Variants in TACC2 observed in about 807,000 individuals in gnomAD.
TACC2 encodes transforming acidic coiled-coil containing protein 2, also known as transforming acidic coiled-coil-containing protein 2.
A neutral mutation model predicts 227.3 loss-of-function variants in TACC2; 137 were observed. That is an observed-to-expected ratio of 0.60 (90% CI 0.52 to 0.69). The LOEUF (loss-of-function observed/expected upper bound fraction) is 0.69, where lower values mean the gene tolerates loss of function less well. Ranked by LOEUF, TACC2 falls within the 30% of genes least tolerant of loss-of-function variation. The pLI is 0.00. For missense variants in TACC2, 3,470 were observed against 3,694.4 expected (o/e 0.94, Z 1.57); for synonymous variants, 1,523 against 1,487.5 (o/e 1.02, Z -0.55).
intron 5 of TACC2, among the ~76,000 whole-genome samples, chr10:122,120,471 G>A (rs2085516974): frequency 6.6e-6 from 1 of 152,152 alleles, no homozygotes; most frequent in Non-Finnish European, 1.5e-5. Context: ...GGGTGCCCTG[G>A]CTGGTTGCGC....
At chr10:122,206,994 GA>G (rs2095132330) in intron 8 of TACC2, among the ~76,000 whole-genome samples, 1 of 152,194 alleles carries the variant, frequency 6.6e-6, no homozygotes, top group South Asian at 2.1e-4. Flanking sequence ...TGGATGTTTA[GA>G]AATCCAGTAG....
Position 122,082,662 on chromosome 10 carries a change from G to T in TACC2, c.162G>T (p.Gly54=), listed in dbSNP as rs1401814880. ...HRDASSIGSV[G]LGGFCTASES... ...ATATTTTCAGCATTGGCAGCGTTGGGCTTGGAGGCTTCTGCACCGCTTCTG... is the reference window on the plus strand; with the variant it reads ...ATATTTTCAGCATTGGCAGCGTTGGTCTTGGAGGCTTCTGCACCGCTTCTG... The change falls in exon 4 of 23, where the codon GGG becomes GGT. Residue 54 remains glycine, a synonymous_variant. Transcript: ENST00000369005. The T allele has an allele frequency of 6.2e-7, 1 of 1,610,428 alleles. No individual in the cohort carries two copies. The highest frequency in any genetic ancestry group is 8.5e-7 in the Non-Finnish European group (1 of 1,177,752).
chr10:122,032,629 G>A (rs1565118541), intron 2 of TACC2, among the ~76,000 whole-genome samples: 1 of 152,044 alleles, frequency 6.6e-6, no homozygotes, highest in Non-Finnish European at 1.5e-5. Flanking sequence ...GGACACCATG[G>A]GCAGCATGGG....
intron 7 of TACC2, chr10:122,163,567 G>A (rs1015326685): frequency 2.0e-6 from 2 of 995,800 alleles, no homozygotes; most frequent in Non-Finnish European, 2.4e-6. Flanking sequence ...TGACATCATC[G>A]TGTCACACAC....
rs1488819383 is a variant in TACC2, at chr10:122,141,392, G to T, written c.5700-2180G>T. ...TGAGTCACACTTGTTTGATGCCTTT[G>T]GCTAACGGGACCCAGCCAGCGCAGG... is the stretch of plus-strand genomic sequence containing the variant. On this transcript the variant is annotated intron_variant, in intron 6 of 22. Transcript: ENST00000369005. The surrounding 1 kb of genome is among the most constrained non-coding windows in gnomAD (Gnocchi z 4.3). 1.3e-5 allele frequency among the ~76,000 whole-genome samples: 2 copies of T among 152,268 alleles called. No homozygotes were observed. The highest frequency in any genetic ancestry group is 3.9e-4 in the East Asian group (2 of 5,174).
chr10:121,993,980 G>T (rs1953157058), intron 1 of TACC2, among the ~76,000 whole-genome samples: 1 of 152,058 alleles, frequency 6.6e-6, no homozygotes, highest in African/African-American at 2.4e-5. Context: ...CATACACACT[G>T]TTCTGTATCT....
chr10:122,008,519 C>A (rs1955533234), intron 1 of TACC2, among the ~76,000 whole-genome samples: 1 of 151,966 alleles, frequency 6.6e-6, no homozygotes, highest in Admixed American at 6.6e-5. Context: ...CTTGGCCTCC[C>A]AAAGTCCTGG....
chr10:122,158,649 C>T (rs772073981), intron 7 of TACC2, among the ~76,000 whole-genome samples: 5 of 152,004 alleles, frequency 3.3e-5, no homozygotes, highest in South Asian at 2.1e-4. Context: ...AAAGAGATGC[C>T]GTAAATAGAT....
intron 3 of TACC2, among the ~76,000 whole-genome samples, chr10:122,063,146 T>C (rs553865379): frequency 6.6e-6 from 1 of 152,340 alleles, no homozygotes; most frequent in South Asian, 2.1e-4. Flanking sequence ...AGTTTTCCTA[T>C]AAACAGGGTC....
At chr10:122,037,728 T>C (rs1040928127) in intron 2 of TACC2, among the ~76,000 whole-genome samples, 2 of 152,162 alleles carry the variant, frequency 1.3e-5, no homozygotes, top group Non-Finnish European at 2.9e-5. Context: ...CTCAGGGTAT[T>C]GGGTTATTCT....
At chr10:122,052,605 C>T (rs2075813227) in intron 3 of TACC2, 1 of 150,828 alleles carries the variant, frequency 6.6e-6, no homozygotes. Flanking sequence ...ATCGCTTGAA[C>T]TCAGGAGGTG....
rs2094502293 is a variant in TACC2, at chr10:122,194,407, G to A, written c.5835-633G>A. ...GTCGGGGTTGGTGGCCGTGCTTTGT[G>A]TCTTGGTCTGATGCACCCTCTGCCT... On this transcript the variant is annotated intron_variant, in intron 7 of 22. Transcript: ENST00000369005. The surrounding 1 kb of genome is among the most constrained non-coding windows in gnomAD (Gnocchi z 4.4). Among the ~76,000 whole-genome samples the A allele has an allele frequency of 2.0e-5, 3 of 152,200 alleles. No individual in the cohort carries two copies. The highest frequency in any genetic ancestry group is 7.2e-5 in the African/African-American group (3 of 41,454).
chr10:122,030,892 G>C (rs1483222790), intron 2 of TACC2, among the ~76,000 whole-genome samples: 1 of 151,982 alleles, frequency 6.6e-6, no homozygotes, highest in Non-Finnish European at 1.5e-5. Flanking sequence ...GAGCCACCGC[G>C]AGTCCCTCCA....
intron 5 of TACC2, among the ~76,000 whole-genome samples, chr10:122,096,489 G>A (rs1437526510): frequency 1.3e-5 from 2 of 152,134 alleles, no homozygotes; most frequent in South Asian, 2.1e-4. Context: ...CTGAGGTCAG[G>A]AGCTCAAGAC....
intron 3 of TACC2, among the ~76,000 whole-genome samples, chr10:122,055,143 C>A (rs1000222488): frequency 8.5e-5 from 13 of 152,152 alleles, no homozygotes; most frequent in African/African-American, 2.9e-4. Flanking sequence ...TTGCTTGAAC[C>A]CAGGAGGTGG....
rs71026005 is a variant in TACC2 at position 122,152,999 on chromosome 10, C to CTTTCTTTTTTTTTTTT, written c.5834+9296_5834+9297insCTTTTTTTTTTTTTTT. Reference sequence around the variant, plus strand: ...GCTTTTGATATATATTTCTTTCTTTCTTTTTTTTTTGAGACGGAGTCTCAC... The same window carrying CTTTCTTTTTTTTTTTT: ...GCTTTTGATATATATTTCTTTCTTTCTTTCTTTTTTTTTTTTTTTTTTTTTTGAGACGGAGTCTCAC... On this transcript the variant is annotated intron_variant, in intron 7 of 22. Transcript: ENST00000369005. Among the ~76,000 whole-genome samples the CTTTCTTTTTTTTTTTT allele has an allele frequency of 1.7e-4, 23 of 135,030 alleles. 2 individuals carry two copies. Among genetic ancestry groups the CTTTCTTTTTTTTTTTT allele is most frequent in the African/African-American group, 1.6e-4 (6 of 37,614 alleles). 88.6% of individuals were successfully genotyped at this position (135,030 alleles called of 152,430 possible).
At chr10:122,037,935 T>C (rs929646630) in intron 2 of TACC2, among the ~76,000 whole-genome samples, 3 of 151,718 alleles carry the variant, frequency 2.0e-5, no homozygotes, top group African/African-American at 7.3e-5. Context: ...TGTTTGTTTG[T>C]TTGTTTTTGT....
intron 5 of TACC2, among the ~76,000 whole-genome samples, chr10:122,106,041 A>T: frequency 7.0e-6 from 1 of 143,038 alleles, no homozygotes; most frequent in Non-Finnish European, 1.5e-5. Context: ...AGGCTGGAGT[A>T]CAGTGGTGTG....
intron 3 of TACC2, among the ~76,000 whole-genome samples, chr10:122,070,739 G>A (rs1389697958): frequency 8.4e-6 from 1 of 119,680 alleles, no homozygotes; most frequent in East Asian, 2.5e-4. Flanking sequence ...GGCAAGAAGA[G>A]CAAAATTCCG....
Sources: allele counts gnomAD v4.1 joint callset (sites outside exome capture counted in the v4.1 genomes callset), GRCh38; gene constraint gnomAD v4.1.1; non-coding constraint Gnocchi (gnomAD v3.1); transcripts MANE v1.5; gene names NCBI Gene and HGNC (gene_info 2026-07-23, HGNC 2026-07-21).